Variants in PTPRD observed in about 807,000 individuals in gnomAD.
The protein encoded by PTPRD is protein tyrosine phosphatase receptor type D, also known as receptor-type tyrosine-protein phosphatase delta.
PTPRD carries 34 observed loss-of-function variants against 214.5 expected under a neutral mutation model. The ratio of observed to expected loss-of-function variants is 0.16; its 90% CI spans 0.12 to 0.21. The LOEUF (loss-of-function observed/expected upper bound fraction) is 0.21. PTPRD is among the 10% of genes least tolerant of loss of function. The pLI, the probability that PTPRD is intolerant of heterozygous loss-of-function variation, is 1.00. For missense variants in PTPRD, 2,545 were observed against 2,398.7 expected (o/e 1.06, Z -1.27); for synonymous variants, 1,128 against 845.7 (o/e 1.33, Z -5.79).
intron 9 of PTPRD, among the ~76,000 whole-genome samples, chr9:9,335,562 A>T (rs2044109658): frequency 6.6e-6 from 1 of 152,090 alleles, no homozygotes; most frequent in African/African-American, 2.4e-5. Flanking sequence ...GCTGGTATTT[A>T]TTTTAAATTA....
chr9:10,096,425 G>T (rs551248260), intron 3 of PTPRD, among the ~76,000 whole-genome samples: 1 of 151,688 alleles, frequency 6.6e-6, no homozygotes, highest in Non-Finnish European at 1.5e-5. Flanking sequence ...TTTAATGATC[G>T]CCATTCTAAC....
intron 4 of PTPRD, among the ~76,000 whole-genome samples, chr9:9,996,980 G>C (rs2096143834): frequency 6.6e-6 from 1 of 152,172 alleles, no homozygotes; most frequent in Admixed American, 6.5e-5. Context: ...ACAGGAAAAA[G>C]AGCAGTCAGT....
chr9:9,090,192 C>G (rs1198710053), intron 10 of PTPRD, among the ~76,000 whole-genome samples: 1 of 151,988 alleles, frequency 6.6e-6, no homozygotes, highest in Non-Finnish European at 1.5e-5. Context: ...CATTAACCTA[C>G]CTCTCTTCAT....
intron 12 of PTPRD, among the ~76,000 whole-genome samples, chr9:8,638,547 C>T (rs2096498599): frequency 6.6e-6 from 1 of 152,066 alleles, no homozygotes; most frequent in African/African-American, 2.4e-5. Context: ...GCAGAAATTG[C>T]TTCCAGTTTC....
At chr9:10,323,182 T>C (rs966328680) in intron 3 of PTPRD, among the ~76,000 whole-genome samples, 1 of 150,326 alleles carries the variant, frequency 6.7e-6, no homozygotes, top group Non-Finnish European at 1.5e-5. Context: ...CTCTTTCTTT[T>C]CTTTTTCTTT....
intron 3 of PTPRD, among the ~76,000 whole-genome samples, chr9:10,280,072 T>C (rs1195005385): frequency 6.6e-6 from 1 of 152,210 alleles, no homozygotes; most frequent in African/African-American, 2.4e-5. Flanking sequence ...GTTAAATATA[T>C]GTTTAGTACA....
chr9:10,350,398 A>C (rs2097161842), intron 2 of PTPRD, among the ~76,000 whole-genome samples: 1 of 152,110 alleles, frequency 6.6e-6, no homozygotes, highest in Non-Finnish European at 1.5e-5. Flanking sequence ...AATATACTTT[A>C]GGGTGGCTCA....
At chr9:9,660,698 T>C (rs2096606183) in intron 7 of PTPRD, among the ~76,000 whole-genome samples, 1 of 152,006 alleles carries the variant, frequency 6.6e-6, no homozygotes, top group African/African-American at 2.4e-5. Context: ...ACAGTTCTTG[T>C]AGTTCAGATA....
At chr9:9,754,534 T>C (rs1347367059) in intron 6 of PTPRD, among the ~76,000 whole-genome samples, 1 of 152,038 alleles carries the variant, frequency 6.6e-6, no homozygotes, top group Non-Finnish European at 1.5e-5. Flanking sequence ...TGGCAAAAAA[T>C]GCATTAGCAT....
intron 11 of PTPRD, among the ~76,000 whole-genome samples, chr9:8,778,687 G>C (rs958350874): frequency 6.6e-6 from 1 of 152,160 alleles, no homozygotes; most frequent in African/African-American, 2.4e-5. Flanking sequence ...ACAGAAAGGA[G>C]ATCTGCTTAG....
intron 5 of PTPRD, among the ~76,000 whole-genome samples, chr9:9,845,367 G>C (rs1031599487): frequency 6.6e-6 from 1 of 151,316 alleles, no homozygotes; most frequent in African/African-American, 2.4e-5. Flanking sequence ...AAAGACTTTG[G>C]CAGTGTCCAT....
chr9:10,463,011 A>AGTAATAGTCATTAT (rs2098969636), intron 2 of PTPRD, among the ~76,000 whole-genome samples: 1 of 150,750 alleles, frequency 6.6e-6, no homozygotes, highest in East Asian at 1.9e-4. Flanking sequence ...TACTCATTTG[A>AGTAATAGTCATTAT]GTAATAGTCA....
intron 11 of PTPRD, among the ~76,000 whole-genome samples, chr9:8,927,776 T>C (rs1218702652): frequency 2.0e-5 from 3 of 152,194 alleles, no homozygotes; most frequent in African/African-American, 7.2e-5. Context: ...CCTTGAGGAA[T>C]TGCCACACTG....
chr9:10,113,784 G>C (rs1008985992), intron 3 of PTPRD, among the ~76,000 whole-genome samples: 1 of 152,218 alleles, frequency 6.6e-6, no homozygotes, highest in Non-Finnish European at 1.5e-5. Flanking sequence ...AAATGCAGCA[G>C]TGGGGCCTGT....
chr9:8,872,730 T>A (rs1272918863), intron 11 of PTPRD, among the ~76,000 whole-genome samples: 1 of 152,324 alleles, frequency 6.6e-6, no homozygotes, highest in East Asian at 1.9e-4. Flanking sequence ...TTAATCATAA[T>A]AAAAACCATC....
intron 9 of PTPRD, among the ~76,000 whole-genome samples, chr9:9,236,453 A>T (rs2099966791): frequency 6.6e-6 from 1 of 151,662 alleles, no homozygotes; most frequent in Non-Finnish European, 1.5e-5. Flanking sequence ...ATTCAAATCC[A>T]CCCATAAATT....
chr9:8,521,511 T>C lies in PTPRD; in HGVS notation c.727A>G (p.Thr243Ala), dbSNP rs1193937945. 1 of 1,613,860 alleles carries C rather than the reference T, an allele frequency of 6.2e-7. No homozygotes were observed. Among genetic ancestry groups the C allele is most frequent in the East Asian group, 2.2e-5 (1 of 44,864 alleles). ...CCGCCTGGCATGATTTCATGATTAG[T>C]GGGTGGGATAGAGAATCTTGGTGGG... ...RVPPRFSIPPTNHEIMPGGSV... is the reference protein window; with the variant it reads ...RVPPRFSIPPANHEIMPGGSV... The change falls in exon 20 of 46, where the codon ACT becomes GCT. Residue 243 changes from threonine to alanine, a missense_variant. By Grantham distance (58) the Thr-to-Ala change is moderately conservative (BLOSUM62 0). Transcript: ENST00000381196.
At chr9:8,826,648 A>C (rs1252347266) in intron 11 of PTPRD, among the ~76,000 whole-genome samples, 1 of 87,616 alleles carries the variant, frequency 1.1e-5, no homozygotes, top group Non-Finnish European at 2.3e-5. Context: ...TTTTTTTTCT[A>C]TATAGTGCTT....
intron 11 of PTPRD, among the ~76,000 whole-genome samples, chr9:9,015,333 C>A (rs113924894): frequency 0.016 from 2,364 of 152,210 alleles, 40 homozygotes; most frequent in Middle Eastern, 0.041. Context: ...AGTAAAGGAG[C>A]TGGCCAAAAC....
Sources: gnomAD v4.1 joint callset for allele counts (sites outside exome capture counted in the v4.1 genomes callset) on GRCh38, gnomAD v4.1.1 for gene constraint, MANE v1.5 for transcripts, NCBI Gene and HGNC (gene_info 2026-07-23, HGNC 2026-07-21) for gene names.